Variants in NDUFS8 observed in about 807,000 individuals in gnomAD.
NDUFS8 encodes NADH dehydrogenase [ubiquinone] iron-sulfur protein 8, mitochondrial.
NDUFS8 carries 13 observed loss-of-function variants against 25.6 expected under a neutral mutation model. That is an observed-to-expected ratio of 0.51 (90% CI 0.33 to 0.81). NDUFS8 has a LOEUF of 0.81. Among genes scored for constraint, NDUFS8 ranks in the 30% least tolerant of loss-of-function variants. NDUFS8 has a pLI of 0.02. For missense variants in NDUFS8, 257 were observed against 300.9 expected (o/e 0.85, Z 1.08); for synonymous variants, 119 against 119.4 (o/e 1.00, Z 0.02).
At position 68,033,166 on chromosome 11, in the gene NDUFS8, G is replaced by A. The variant is rs144125742; in HGVS notation, c.255G>A (p.Pro85=). 5,434 of 1,612,588 alleles carry A rather than the reference G, an allele frequency of 3.4e-3. 26 individuals are homozygous for A. Among genetic ancestry groups the A allele is most frequent in the Non-Finnish European group, 3.6e-3 (4,191 of 1,179,690 alleles). The part of the protein sequence containing the change: ...LFREPATINY[P]FEKGPLSPRF... ...GGGAACCGGCCACCATCAACTACCC[G>A]TTCGAGAAGGGCCCGCTGAGCCCTC... Residue 85 remains proline, a synonymous_variant, in exon 5 of 7, where the codon CCG becomes CCA. Coordinates refer to ENST00000313468, the MANE Select transcript of NDUFS8 (RefSeq NM_002496.4).
intron 5 of NDUFS8, 66 bp from the exon 6 acceptor site, chr11:68,036,187 G>C (rs1854886273): frequency 1.2e-6 from 2 of 1,606,534 alleles, no homozygotes; most frequent in African/African-American, 1.3e-5. Flanking sequence ...GATGAGCAGT[G>C]ACAGGGGCCC....
chr11:68,036,572 G>A lies in NDUFS8; in HGVS notation c.612G>A (p.Gln204=), dbSNP rs1854897157. The stretch of plus-strand genomic sequence containing the variant: ...AGGCCGAGATCGCCGCCAACATCCA[G>A]GCTGACTACTTGTATCGGTGACGCC... ...KWEAEIAANI[Q]ADYLYR The change falls in exon 7 of 7, where the codon CAG becomes CAA. Residue 204 remains glutamine, a synonymous_variant. Transcript: ENST00000313468. 2 of 1,613,908 alleles carry A rather than the reference G, an allele frequency of 1.2e-6. No homozygotes were observed. Among genetic ancestry groups the A allele is most frequent in the African/African-American group, 1.3e-5 (1 of 74,942 alleles).
chr11:68,033,903 CT>C (rs1854824882), intron 5 of NDUFS8: 1 of 163,370 alleles, frequency 6.1e-6, no homozygotes, highest in Non-Finnish European at 1.4e-5. Context: ...CTCTGGAGCA[CT>C]CCCAGGTCCT....
chr11:68,035,403 C>T (rs1466139466), intron 5 of NDUFS8: 1 of 199,706 alleles, frequency 5.0e-6, no homozygotes, highest in Non-Finnish European at 1.1e-5. Context: ...TGTACTCCAG[C>T]CTGGGTGACA....
chr11:68,033,706 C>G (rs1854819926), intron 5 of NDUFS8: 2 of 288,218 alleles, frequency 6.9e-6, no homozygotes, highest in Non-Finnish European at 1.4e-5. Flanking sequence ...CTTAGTGGGT[C>G]TCGTGCTTAC....
chr11:68,036,194 G>T, intron 5 of NDUFS8, 59 bp from the exon 6 acceptor site: 1 of 1,607,938 alleles, frequency 6.2e-7, no homozygotes, highest in East Asian at 2.2e-5. Flanking sequence ...AGTGACAGGG[G>T]CCCTGGGGGC....
intron 1 of NDUFS8, 31 bp downstream of exon 1, chr11:68,030,764 G>C (rs1854744693): frequency 5.9e-6 from 2 of 338,126 alleles, no homozygotes; most frequent in Non-Finnish European, 1.2e-5. Flanking sequence ...CGTGAAAGTC[G>C]GGCTTGGGCA....
intron 3 of NDUFS8, 93 bp downstream of exon 3, chr11:68,032,429 G>T: frequency 6.2e-7 from 1 of 1,604,880 alleles, no homozygotes; most frequent in South Asian, 1.1e-5. Context: ...GGCTTTGTCA[G>T]GGGCGTTCTT....
At chr11:68,031,352 T>G (rs1854763056) in intron 1 of NDUFS8, among the ~76,000 whole-genome samples, 1 of 152,192 alleles carries the variant, frequency 6.6e-6, no homozygotes, top group Admixed American at 6.5e-5. Context: ...AGTCACTTTT[T>G]TATCTTTTTT....
At position 68,033,107 on chromosome 11, in the gene NDUFS8, A is replaced by G. The variant is rs774070735; in HGVS notation, c.200-4A>G. Reference sequence around the variant, plus strand: ...CCTGCCCACCACACCCGTGCTGCCCACAGGCCTGGGCATGACCCTGAGCTA... The same window carrying G: ...CCTGCCCACCACACCCGTGCTGCCCGCAGGCCTGGGCATGACCCTGAGCTA... On this transcript the variant is annotated splice_region_variant and splice_polypyrimidine_tract_variant and intron_variant, in intron 4 of 6. Coordinates refer to ENST00000313468, the MANE Select transcript of NDUFS8 (RefSeq NM_002496.4). 6.2e-7 allele frequency: 1 copy of G among 1,612,996 alleles called. No homozygotes were observed. Among genetic ancestry groups the G allele is most frequent in the Non-Finnish European group, 8.5e-7 (1 of 1,179,838 alleles).
At chr11:68,031,118 C>T (rs1854756175) in intron 1 of NDUFS8, 1 of 275,126 alleles carries the variant, frequency 3.6e-6, no homozygotes, top group Non-Finnish European at 7.4e-6. Context: ...TCCCCTAATT[C>T]CCAAGACCAA....
At chr11:68,032,064 G>A in intron 1 of NDUFS8, 88 bp from the exon 2 acceptor site, 1 of 1,588,002 alleles carries the variant, frequency 6.3e-7, no homozygotes, top group Non-Finnish European at 8.6e-7. Context: ...ACACATGTCA[G>A]TGGAGACTTG....
rs1400523462 is a variant in NDUFS8 at position 68,033,230 on chromosome 11, G to A, written c.319G>A (p.Gly107Arg). The A allele has an allele frequency of 3.7e-6, 6 of 1,611,394 alleles. No homozygotes were observed. Among genetic ancestry groups the A allele is most frequent in the South Asian group, 2.2e-5 (2 of 90,802 alleles). ...GEHALRRYPS[G>R]EERCIACKLC... ...GCATGCGCTGCGCCGGTACCCATCC[G>A]GGGAGGAGCGTTGCATTGCCTGCAA... Residue 107 changes from glycine to arginine, a missense_variant, in exon 5 of 7, where the codon GGG (glycine) becomes AGG (arginine). Gly to Arg is a moderately radical substitution (Grantham distance 125). Transcript: ENST00000313468.
At chr11:68,032,119 C>T (rs1469036490) in intron 1 of NDUFS8, 33 bp from the exon 2 acceptor site, 16 of 1,611,734 alleles carry the variant, frequency 9.9e-6, no homozygotes, top group Non-Finnish European at 1.4e-5. Flanking sequence ...TTCTTGGGCA[C>T]ACCCCACCCT....
At position 68,033,206 on chromosome 11, in the gene NDUFS8, C is replaced by A. The variant is rs1854806769; in HGVS notation, c.295C>A (p.His99Asn). 4 of 1,612,218 alleles carry A rather than the reference C, an allele frequency of 2.5e-6. No homozygotes were observed. In the East Asian group the frequency reaches 8.9e-5, roughly 36 times the overall value. Residue 99 changes from histidine to asparagine, a missense_variant, in exon 5 of 7, where the codon CAT becomes AAT. Transcript: ENST00000313468. ...GCTGAGCCCTCGCTTCCGTGGGGAG[C>A]ATGCGCTGCGCCGGTACCCATCCGG... is the stretch of plus-strand genomic sequence containing the variant. ...GPLSPRFRGE[H>N]ALRRYPSGEE... is the part of the protein sequence containing the mutation.
chr11:68,032,302 G>T lies in NDUFS8; in HGVS notation c.75G>T (p.Arg25=). 1.2e-6 allele frequency: 2 copies of T among 1,613,632 alleles called. No homozygotes were observed. The highest frequency in any genetic ancestry group is 4.5e-5 in the East Asian group (2 of 44,898). ...QAARAGPPGG[R]SLHSSAVAAT... ...TTTTTGCAGGACCTCCTGGTGGCCG[G>T]AGCCTCCACAGCAGTGCAGTGGCAG... Residue 25 remains arginine, a synonymous_variant, in exon 3 of 7, where the codon CGG becomes CGT. Transcript: ENST00000313468.
chr11:68,032,568 G>A, intron 3 of NDUFS8: 1 of 1,440,050 alleles, frequency 6.9e-7, no homozygotes, highest in South Asian at 1.4e-5. Flanking sequence ...GATGGGGAGG[G>A]GGTTGCCAGG....
intron 3 of NDUFS8, 139 bp downstream of exon 3, chr11:68,032,475 T>G: frequency 6.5e-7 from 1 of 1,538,438 alleles, no homozygotes; most frequent in Non-Finnish European, 8.8e-7. Context: ...ATGATTATGG[T>G]GATGGAGACT....
At chr11:68,032,525 T>A in intron 3 of NDUFS8, 189 bp downstream of exon 3, 1 of 1,495,254 alleles carries the variant, frequency 6.7e-7, no homozygotes, top group Non-Finnish European at 8.9e-7. Flanking sequence ...ATTGCCGAGG[T>A]TAGCATGTGT....
Sources: allele counts gnomAD v4.1 joint callset (sites outside exome capture counted in the v4.1 genomes callset), GRCh38; gene constraint gnomAD v4.1.1; transcripts MANE v1.5; gene names NCBI Gene and HGNC (gene_info 2026-07-23, HGNC 2026-07-21).